SPIRE2: variants seen among roughly 807,000 people sequenced by gnomAD.
SPIRE2 encodes the protein spire type actin nucleation factor 2.
Under a neutral mutation model 80.7 loss-of-function variants are expected in SPIRE2, and 76 were observed. That is an observed-to-expected ratio of 0.94 (90% CI 0.78 to 1.14). The LOEUF is 1.14. SPIRE2 is among the 50% of genes most tolerant of loss of function. SPIRE2 has a pLI of 0.00. For missense variants in SPIRE2, 1,196 were observed against 1,015.3 expected (o/e 1.18, Z -2.42); for synonymous variants, 535 against 432.6 (o/e 1.24, Z -2.94).
At chr16:89,851,303 C>T (rs1223748976) in intron 3 of SPIRE2, among the ~76,000 whole-genome samples, 1 of 152,186 alleles carries the variant, frequency 6.6e-6, no homozygotes, top group Non-Finnish European at 1.5e-5. Context: ...GCCCTGGTTC[C>T]TTCTGAAATA....
intron 2 of SPIRE2, among the ~76,000 whole-genome samples, chr16:89,847,515 G>A (rs1393201094): frequency 6.6e-6 from 1 of 152,224 alleles, no homozygotes; most frequent in African/African-American, 2.4e-5. Context: ...TTTACAGAGA[G>A]CTTGGTATGC....
rs776152946 is a variant in SPIRE2, at chr16:89,859,332, G to A, written c.1440G>A (p.Trp480Ter). 1.0e-5 allele frequency: 16 copies of A among 1,578,900 alleles called. No individual in the cohort carries two copies. Residue 480 changes from tryptophan (W) to a stop codon, truncating the protein, a stop_gained, in exon 9 of 15, where the codon TGG becomes TGA. Coordinates refer to ENST00000378247, the MANE Select transcript of SPIRE2 (RefSeq NM_032451.2). LOFTEE classifies it high-confidence loss of function. ...PRPRAGSAHV[W>*]RPGSRDQGTC... Reference sequence around the variant, plus strand: ...CCCGAGCTGGCAGTGCGCATGTGTGGAGGCCCGGCTCCCGAGACCAGGGCA... The same window carrying A: ...CCCGAGCTGGCAGTGCGCATGTGTGAAGGCCCGGCTCCCGAGACCAGGGCA...
intron 1 of SPIRE2, among the ~76,000 whole-genome samples, chr16:89,844,840 C>T (rs532677213): frequency 2.3e-4 from 35 of 152,338 alleles, no homozygotes; most frequent in Non-Finnish European, 2.2e-4. Flanking sequence ...ACCTCGGCAT[C>T]TCAAAGTGCT....
At position 89,854,546 on chromosome 16, in the gene SPIRE2, G is replaced by A. The variant is rs1597218893; in HGVS notation, c.786G>A (p.Val262=). 1.2e-6 allele frequency: 2 copies of A among 1,612,786 alleles called. No homozygotes were observed. Among genetic ancestry groups the A allele is most frequent in the African/African-American group, 1.3e-5 (1 of 75,070 alleles). Residue 262 remains valine, a synonymous_variant, in exon 5 of 15, where the codon GTG becomes GTA. Coordinates refer to ENST00000378247, the MANE Select transcript of SPIRE2 (RefSeq NM_032451.2). The part of the protein sequence containing the change: ...ELRRGVKLKK[V]QEQEFNPLPT... ...GCCGCGGAGTGAAGCTGAAGAAGGT[G>A]CAAGAGCAGGAGTTCAACCCCCTCC...
chr16:89,867,574 G>A (rs1013595487), intron 12 of SPIRE2, among the ~76,000 whole-genome samples: 1 of 148,352 alleles, frequency 6.7e-6, no homozygotes, highest in Non-Finnish European at 1.5e-5. Context: ...GCTTAAGAGG[G>A]ACTTTTACCA....
intron 1 of SPIRE2, chr16:89,836,199 G>C (rs1003400735): frequency 1.1e-5 from 5 of 455,750 alleles, no homozygotes; most frequent in African/African-American, 4.0e-5. Flanking sequence ...AACAAACATA[G>C]GTTATTCTCT....
At chr16:89,865,984 AAAAG>A (rs1254919412) in intron 12 of SPIRE2, among the ~76,000 whole-genome samples, 1 of 150,284 alleles carries the variant, frequency 6.7e-6, no homozygotes, top group Non-Finnish European at 1.5e-5. Flanking sequence ...AAAAAAAAAA[AAAAG>A]GTAAGGCTGG....
At chr16:89,839,853 G>T (rs2041487144) in intron 1 of SPIRE2, among the ~76,000 whole-genome samples, 1 of 152,242 alleles carries the variant, frequency 6.6e-6, no homozygotes, top group Non-Finnish European at 1.5e-5. Flanking sequence ...GGCAGCCTTG[G>T]GCCAAGCCTG....
intron 13 of SPIRE2, among the ~76,000 whole-genome samples, chr16:89,869,053 AATAT>A (rs1555601129): frequency 7.5e-4 from 18 of 24,030 alleles, no homozygotes; most frequent in African/African-American, 2.5e-3. Flanking sequence ...AAAAAAAAAA[AATAT>A]ATATATATAT....
intron 10 of SPIRE2, chr16:89,862,639 C>G (rs1002346022): frequency 6.6e-6 from 1 of 152,302 alleles, no homozygotes; most frequent in Non-Finnish European, 1.5e-5. Context: ...GCAACAGAAG[C>G]CTAAAGCCCT....
At chr16:89,844,865 G>T (rs1230760168) in intron 1 of SPIRE2, among the ~76,000 whole-genome samples, 4 of 152,190 alleles carry the variant, frequency 2.6e-5, no homozygotes, top group Non-Finnish European at 5.9e-5. Context: ...TTATAGGTGT[G>T]AGCCACCACA....
chr16:89,845,684 G>A (rs967148161), intron 2 of SPIRE2: 98 of 676,630 alleles, frequency 1.4e-4, no homozygotes, highest in African/African-American at 9.6e-4. Context: ...ACACAGAGCC[G>A]GGGTCAGGGA....
At chr16:89,864,964 A>C (rs1041011470) in intron 12 of SPIRE2, among the ~76,000 whole-genome samples, 1 of 151,834 alleles carries the variant, frequency 6.6e-6, no homozygotes, top group Admixed American at 6.6e-5. Context: ...GTTAGCATGA[A>C]GGTCAGGGAG....
rs751222231 is a variant in SPIRE2, at chr16:89,863,651, G to A, written c.1710+41G>A. 7 of 1,613,808 alleles carry A rather than the reference G, an allele frequency of 4.3e-6. No individual in the cohort carries two copies. Among genetic ancestry groups the A allele is most frequent in the South Asian group, 2.2e-5 (2 of 91,082 alleles). ...CGTGGGGCTACGCTCTTGCCCGCTG[G>A]GTCAGGGGCGGGTGCCGAGAGGGCC... On this transcript the variant is annotated intron_variant, in intron 11 of 14. Coordinates refer to ENST00000378247, the MANE Select transcript of SPIRE2 (RefSeq NM_032451.2). This position sits in a 1 kb window ranked among gnomAD's most constrained non-coding sequence, Gnocchi z 4.3.
chr16:89,860,461 A>G (rs574419372), intron 9 of SPIRE2, among the ~76,000 whole-genome samples: 2 of 152,008 alleles, frequency 1.3e-5, no homozygotes, highest in South Asian at 4.2e-4. Context: ...GGGTCTCGCT[A>G]CGTTGCCCAG....
intron 2 of SPIRE2, among the ~76,000 whole-genome samples, chr16:89,847,490 G>A (rs941415639): frequency 3.9e-5 from 6 of 152,210 alleles, no homozygotes; most frequent in African/African-American, 1.4e-4. Context: ...GCCTGCCGTG[G>A]TACATCTTAA....
At chr16:89,857,172 T>G (rs1384985020) in intron 7 of SPIRE2, among the ~76,000 whole-genome samples, 2 of 145,386 alleles carry the variant, frequency 1.4e-5, no homozygotes, top group Non-Finnish European at 3.0e-5. Context: ...GGTATCACTC[T>G]GTCACCCCGG....
Position 89,831,670 on chromosome 16 carries a change from T to C in SPIRE2, c.244+2876T>C, listed in dbSNP as rs1412029011. Among the ~76,000 whole-genome samples the C allele has an allele frequency of 2.0e-5, 3 of 151,260 alleles. No homozygotes were observed. The South Asian group carries it at 6.2e-4, about 31-fold the overall frequency. On this transcript the variant is annotated intron_variant, in intron 1 of 14. Coordinates refer to ENST00000378247, the MANE Select transcript of SPIRE2 (RefSeq NM_032451.2). ...CCTCGGCCTCCCAAAGTGCTGGGAT[T>C]ACAGGCGTAAGCCACCACGCCTGGC...
chr16:89,859,767 C>T (rs960944161), intron 9 of SPIRE2, among the ~76,000 whole-genome samples: 7 of 152,098 alleles, frequency 4.6e-5, no homozygotes, highest in South Asian at 2.1e-4. Flanking sequence ...CTCCTTTTCG[C>T]GCTGCTGAGC....
Sources: gnomAD v4.1 joint callset for allele counts (sites outside exome capture counted in the v4.1 genomes callset) on GRCh38, gnomAD v4.1.1 for gene constraint, Gnocchi (gnomAD v3.1) non-coding constraint, MANE v1.5 for transcripts, NCBI Gene and HGNC (gene_info 2026-07-23, HGNC 2026-07-21) for gene names.